TEC: variants seen among roughly 807,000 people sequenced by gnomAD.
TEC encodes the protein tyrosine-protein kinase Tec.
A neutral mutation model predicts 93.0 loss-of-function variants in TEC; 72 were observed. The ratio of observed to expected loss-of-function variants is 0.77; its 90% CI spans 0.64 to 0.94. The LOEUF (loss-of-function observed/expected upper bound fraction) is 0.94, where lower values mean the gene tolerates loss of function less well. Ranked by LOEUF, TEC falls within the 40% of genes least tolerant of loss-of-function variation. The pLI is 0.00. For synonymous variants in TEC, 249 were observed against 247.7 expected, an observed-to-expected ratio of 1.01 and a Z score of -0.05; for missense variants, 630 against 757.9, an observed-to-expected ratio of 0.83 and a Z score of 1.98.
rs546004560 is a variant in TEC, at chr4:48,158,361, C to G, written c.738-1627G>C. On this transcript the variant is annotated intron_variant, in intron 8 of 17. Transcript: ENST00000381501. ...AACCAGGCCTCAGAATTGCAAACAT[C>G]TCATTACATGGATCCCGCTTTATAA... 2.0e-5 allele frequency among the ~76,000 whole-genome samples: 3 copies of G among 152,304 alleles called. No homozygotes were observed. The East Asian group carries it at 5.8e-4, about 29-fold the overall frequency.
intron 9 of TEC, 90 bp from the exon 10 acceptor site, chr4:48,151,032 T>A: frequency 1.2e-6 from 1 of 820,394 alleles, no homozygotes; most frequent in Non-Finnish European, 1.8e-6. Context: ...ATTATAATTT[T>A]ATGATTATTA....
At chr4:48,238,560 A>G (rs1723843781) in intron 1 of TEC, among the ~76,000 whole-genome samples, 1 of 152,140 alleles carries the variant, frequency 6.6e-6, no homozygotes, top group Non-Finnish European at 1.5e-5. Flanking sequence ...GTAGGTGATT[A>G]TAGCACTGGA....
chr4:48,218,017 GAGTA>G (rs1015534093), intron 2 of TEC, among the ~76,000 whole-genome samples: 8 of 151,746 alleles, frequency 5.3e-5, no homozygotes, highest in African/African-American at 1.9e-4. Flanking sequence ...CAAATTAAAG[GAGTA>G]AGTAAGACCC....
intron 14 of TEC, chr4:48,141,683 TTC>T: frequency 3.6e-6 from 1 of 280,086 alleles, no homozygotes; most frequent in East Asian, 6.3e-5. Context: ...TTTCTTTTCT[TTC>T]TTTTTTTTTT....
intron 1 of TEC, among the ~76,000 whole-genome samples, chr4:48,236,531 C>T (rs1363297280): frequency 4.6e-5 from 7 of 152,180 alleles, no homozygotes; most frequent in African/African-American, 9.7e-5. Context: ...ATCCACCCGT[C>T]GCGGCCTCCC....
At chr4:48,140,530 G>A (rs1294084841) in intron 15 of TEC, among the ~76,000 whole-genome samples, 2 of 152,062 alleles carry the variant, frequency 1.3e-5, no homozygotes, top group Non-Finnish European at 2.9e-5. Flanking sequence ...TTTATGTAAA[G>A]GGCCAGATAA....
chr4:48,230,167 C>T (rs957327775), intron 1 of TEC, among the ~76,000 whole-genome samples: 2 of 152,132 alleles, frequency 1.3e-5, no homozygotes, highest in African/African-American at 4.8e-5. Context: ...TGAAGTGGCT[C>T]TCAGACAGCA....
At chr4:48,182,246 C>T (rs1007425875) in intron 2 of TEC, among the ~76,000 whole-genome samples, 3 of 149,944 alleles carry the variant, frequency 2.0e-5, no homozygotes, top group Admixed American at 6.7e-5. Context: ...GATCGCACCA[C>T]TGCCCTCCAG....
intron 2 of TEC, among the ~76,000 whole-genome samples, chr4:48,198,004 C>G (rs1166406983): frequency 6.6e-6 from 1 of 152,254 alleles, no homozygotes; most frequent in African/African-American, 2.4e-5. Flanking sequence ...CATTTTCTCT[C>G]TCTGCCTGAC....
At chr4:48,226,639 A>G (rs185672850) in intron 2 of TEC, among the ~76,000 whole-genome samples, 1 of 152,240 alleles carries the variant, frequency 6.6e-6, no homozygotes, top group African/African-American at 2.4e-5. Context: ...CATACCAAAT[A>G]TGTGGTAACC....
intron 7 of TEC, among the ~76,000 whole-genome samples, chr4:48,165,070 A>G (rs1312304609): frequency 6.6e-6 from 1 of 152,222 alleles, no homozygotes; most frequent in Non-Finnish European, 1.5e-5. Context: ...TTGGCCAGAA[A>G]AATAAATACA....
chr4:48,143,074 C>T (rs1485424480), intron 14 of TEC, among the ~76,000 whole-genome samples: 1 of 152,210 alleles, frequency 6.6e-6, no homozygotes, highest in African/African-American at 2.4e-5. Context: ...CAATTCCACT[C>T]ATATGAGGTT....
At chr4:48,183,249 T>C (rs1475901335) in intron 2 of TEC, among the ~76,000 whole-genome samples, 5 of 152,246 alleles carry the variant, frequency 3.3e-5, no homozygotes, top group Non-Finnish European at 7.3e-5. Context: ...AATGCTGCTC[T>C]CTTTGCCAAG....
At chr4:48,262,565 A>G (rs1246159963) in intron 1 of TEC, among the ~76,000 whole-genome samples, 1 of 152,100 alleles carries the variant, frequency 6.6e-6, no homozygotes. Context: ...TATATTAAGT[A>G]CTTGCTTGGT....
intron 1 of TEC, among the ~76,000 whole-genome samples, chr4:48,229,273 C>A (rs1723577476): frequency 6.6e-6 from 1 of 152,202 alleles, no homozygotes; most frequent in Non-Finnish European, 1.5e-5. Flanking sequence ...AAATGGAAAC[C>A]TACCAGTCAT....
At chr4:48,140,477 C>T (rs1049202711) in intron 15 of TEC, among the ~76,000 whole-genome samples, 1 of 152,162 alleles carries the variant, frequency 6.6e-6, no homozygotes. Context: ...CATCATCATT[C>T]AGCACCACCC....
intron 2 of TEC, among the ~76,000 whole-genome samples, chr4:48,217,132 C>A (rs2109620529): frequency 6.6e-6 from 1 of 151,832 alleles, no homozygotes; most frequent in African/African-American, 2.4e-5. Flanking sequence ...GAGATGGAGT[C>A]TTGCCCTGTC....
intron 2 of TEC, among the ~76,000 whole-genome samples, chr4:48,209,600 G>A (rs1722829451): frequency 6.6e-6 from 1 of 152,084 alleles, no homozygotes; most frequent in Non-Finnish European, 1.5e-5. Context: ...GTAACAGAGT[G>A]AGACTTTGTC....
At chr4:48,179,853 GGTTT>G (rs1159165169) in intron 2 of TEC, among the ~76,000 whole-genome samples, 1 of 152,110 alleles carries the variant, frequency 6.6e-6, no homozygotes, top group Non-Finnish European at 1.5e-5. Context: ...CTATTTCCTA[GGTTT>G]GTTATGAGAA....
Sources: gnomAD v4.1 joint callset for allele counts (sites outside exome capture counted in the v4.1 genomes callset) on GRCh38, gnomAD v4.1.1 for gene constraint, MANE v1.5 for transcripts, NCBI Gene and HGNC (gene_info 2026-07-23, HGNC 2026-07-21) for gene names.